The following SLCO5A1 variants were observed in gnomAD, a reference collection of about 807,000 sequenced individuals.
SLCO5A1 encodes the protein organic anion transporter polypeptide-related protein 4.
SLCO5A1 carries 39 observed loss-of-function variants against 65.1 expected under a neutral mutation model. That is an observed-to-expected ratio of 0.60 (90% CI 0.46 to 0.78). The LOEUF (loss-of-function observed/expected upper bound fraction) is 0.78. Ranked by LOEUF, SLCO5A1 falls within the 30% of genes least tolerant of loss-of-function variation. The pLI is 0.00. For synonymous variants in SLCO5A1, 438 were observed against 415.7 expected (o/e 1.05, Z -0.65); for missense variants, 1,029 against 1,069.4 (o/e 0.96, Z 0.53).
At chr8:69,777,333 T>C (rs188457947) in intron 2 of SLCO5A1, among the ~76,000 whole-genome samples, 3 of 152,064 alleles carry the variant, frequency 2.0e-5, no homozygotes, top group African/African-American at 7.2e-5. Context: ...ATTTATGAAA[T>C]TCTAGAAAAC....
At chr8:69,721,353 C>CA (rs1460568148) in intron 5 of SLCO5A1, among the ~76,000 whole-genome samples, 5 of 152,114 alleles carry the variant, frequency 3.3e-5, no homozygotes, top group African/African-American at 1.2e-4. Flanking sequence ...CTGATATTCT[C>CA]AAAAAGTATA....
At chr8:69,796,081 T>C (rs1819484284) in intron 2 of SLCO5A1, among the ~76,000 whole-genome samples, 1 of 152,202 alleles carries the variant, frequency 6.6e-6, no homozygotes, top group Admixed American at 6.5e-5. Context: ...ATGAAATCAC[T>C]CTTCCCTTCT....
intron 9 of SLCO5A1, among the ~76,000 whole-genome samples, chr8:69,674,858 T>TA (rs201701403): frequency 0.038 from 2,835 of 74,034 alleles, 51 homozygotes; most frequent in African/African-American, 0.062. Context: ...CCATCTCTAC[T>TA]AAAAAAAAAA....
chr8:69,781,193 T>C (rs1818778180), intron 2 of SLCO5A1, among the ~76,000 whole-genome samples: 1 of 152,198 alleles, frequency 6.6e-6, no homozygotes, highest in Admixed American at 6.5e-5. Flanking sequence ...ACACTGTACT[T>C]TCCAGGCACT....
chr8:69,826,571 C>T, intron 2 of SLCO5A1, among the ~76,000 whole-genome samples: 1 of 152,018 alleles, frequency 6.6e-6, no homozygotes, highest in Non-Finnish European at 1.5e-5. Context: ...CAAATCAAAA[C>T]CACAATGAGA....
intron 9 of SLCO5A1, among the ~76,000 whole-genome samples, chr8:69,674,074 C>T (rs1029956389): frequency 6.6e-6 from 1 of 152,172 alleles, no homozygotes; most frequent in African/African-American, 2.4e-5. Context: ...AAATGTTCCC[C>T]CAACTCATTC....
At chr8:69,750,199 T>C (rs763940621) in intron 4 of SLCO5A1, among the ~76,000 whole-genome samples, 1 of 152,100 alleles carries the variant, frequency 6.6e-6, no homozygotes. Flanking sequence ...GAGCAAAGGA[T>C]TGGCATTTTA....
rs544877606 is a variant in SLCO5A1, at chr8:69,809,893, G to A, written c.907+21874C>T. ...CATTTGCAAGCTGACAAGACAAGAC[G>A]AGAGCAGGGGAATATGGAGCACAAC... On this transcript the variant is annotated intron_variant, in intron 2 of 9. Transcript: ENST00000260126. Among the ~76,000 whole-genome samples, 31 of 152,156 alleles carry A rather than the reference G, an allele frequency of 2.0e-4. No homozygotes were observed. In the South Asian group the frequency reaches 4.4e-3, roughly 21 times the overall value.
At chr8:69,740,592 G>A (rs148715925) in intron 4 of SLCO5A1, among the ~76,000 whole-genome samples, 410 of 152,256 alleles carry the variant, frequency 2.7e-3, no homozygotes, top group Admixed American at 4.7e-3. Flanking sequence ...TGACACCCTG[G>A]TAGGAATGCA....
At chr8:69,731,040 C>G (rs1207358986) in intron 5 of SLCO5A1, among the ~76,000 whole-genome samples, 1 of 151,944 alleles carries the variant, frequency 6.6e-6, no homozygotes, top group Non-Finnish European at 1.5e-5. Context: ...CTCTATTGCC[C>G]AGGCTGGAGT....
At chr8:69,692,498 A>T (rs1417732507) in intron 6 of SLCO5A1, among the ~76,000 whole-genome samples, 1 of 152,076 alleles carries the variant, frequency 6.6e-6, no homozygotes, top group African/African-American at 2.4e-5. Flanking sequence ...GCTTACTATA[A>T]TTTTTTTACT....
chr8:69,810,944 C>G (rs115154380), intron 2 of SLCO5A1, among the ~76,000 whole-genome samples: 3 of 152,142 alleles, frequency 2.0e-5, no homozygotes, highest in Non-Finnish European at 4.4e-5. Flanking sequence ...TGCACACCCA[C>G]GAACACAGAC....
intron 2 of SLCO5A1, among the ~76,000 whole-genome samples, chr8:69,784,949 A>AGAAAGAAAGAAG (rs1554620944): frequency 7.2e-6 from 1 of 139,210 alleles, no homozygotes; most frequent in Non-Finnish European, 1.6e-5. Flanking sequence ...AAAGAAAGAA[A>AGAAAGAAAGAAG]GAAGAAAGGA....
At chr8:69,711,464 T>C (rs919327989) in intron 5 of SLCO5A1, among the ~76,000 whole-genome samples, 17 of 152,042 alleles carry the variant, frequency 1.1e-4, no homozygotes, top group African/African-American at 4.1e-4. Flanking sequence ...AGGCCATCAA[T>C]GGATGGATAC....
chr8:69,819,988 C>T (rs774704744), intron 2 of SLCO5A1, among the ~76,000 whole-genome samples: 2 of 152,114 alleles, frequency 1.3e-5, no homozygotes, highest in Non-Finnish European at 2.9e-5. Flanking sequence ...CAAAACAGTT[C>T]TGTATTTTCT....
At chr8:69,814,819 A>T (rs191752929) in intron 2 of SLCO5A1, among the ~76,000 whole-genome samples, 246 of 140,652 alleles carry the variant, frequency 1.7e-3, no homozygotes, top group African/African-American at 7.8e-3. Context: ...ATTCCACCTT[A>T]AAAAAAAGAA....
intron 3 of SLCO5A1, among the ~76,000 whole-genome samples, chr8:69,758,427 G>T (rs927068200): frequency 6.6e-6 from 1 of 152,036 alleles, no homozygotes; most frequent in African/African-American, 2.4e-5. Flanking sequence ...TGATCTGCCC[G>T]CCTCAGCTTC....
intron 2 of SLCO5A1, among the ~76,000 whole-genome samples, chr8:69,823,478 A>C (rs1039846228): frequency 5.3e-5 from 8 of 152,338 alleles, no homozygotes; most frequent in Admixed American, 5.2e-4. Context: ...TTGCAATCCT[A>C]GTCTCTGATA....
At chr8:69,781,058 C>A (rs969455714) in intron 2 of SLCO5A1, among the ~76,000 whole-genome samples, 11 of 152,202 alleles carry the variant, frequency 7.2e-5, no homozygotes, top group African/African-American at 2.4e-4. Context: ...ATACCATTTA[C>A]TTCAGTAATT....
Sources: gnomAD v4.1 joint callset for allele counts (sites outside exome capture counted in the v4.1 genomes callset) on GRCh38, gnomAD v4.1.1 for gene constraint, MANE v1.5 for transcripts, NCBI Gene and HGNC (gene_info 2026-07-23, HGNC 2026-07-21) for gene names.